DOCK3: variants seen among roughly 807,000 people sequenced by gnomAD.
DOCK3 encodes the protein dedicator of cytokinesis 3.
Under a neutral mutation model 265.6 loss-of-function variants are expected in DOCK3, and 60 were observed. That is an observed-to-expected ratio of 0.23 (90% CI 0.18 to 0.28). The LOEUF (loss-of-function observed/expected upper bound fraction) is 0.28, where lower values mean the gene tolerates loss of function less well. DOCK3 is among the 10% of genes least tolerant of loss of function. DOCK3 has a pLI of 1.00. For missense variants in DOCK3, 1,981 were observed against 2,594.3 expected (o/e 0.76, Z 5.14); for synonymous variants, 881 against 938.0 (o/e 0.94, Z 1.11).
At chr3:51,124,877 C>G (rs2084194749) in intron 9 of DOCK3, among the ~76,000 whole-genome samples, 1 of 151,134 alleles carries the variant, frequency 6.6e-6, no homozygotes, top group East Asian at 1.9e-4. Flanking sequence ...TGCCTGTAAT[C>G]CCAGCACTTT....
At chr3:51,003,600 G>C (rs1009991510) in intron 5 of DOCK3, among the ~76,000 whole-genome samples, 1 of 152,104 alleles carries the variant, frequency 6.6e-6, no homozygotes, top group Non-Finnish European at 1.5e-5. Flanking sequence ...TTCCATAGTG[G>C]AGAATTCGTA....
chr3:51,113,258 G>A (rs957211879), intron 9 of DOCK3, among the ~76,000 whole-genome samples: 1 of 152,040 alleles, frequency 6.6e-6, no homozygotes, highest in Non-Finnish European at 1.5e-5. Context: ...ATAGGGCATG[G>A]CACTTTTTAA....
intron 12 of DOCK3, among the ~76,000 whole-genome samples, chr3:51,196,415 C>G (rs2088298230): frequency 6.6e-6 from 1 of 152,122 alleles, no homozygotes; most frequent in Non-Finnish European, 1.5e-5. Flanking sequence ...CCAGGGATTG[C>G]TGAGTCTCTT....
rs563637951 is a variant in DOCK3, at chr3:50,854,085, C to T, written c.162+12370C>T. On this transcript the variant is annotated intron_variant, in intron 3 of 52. Transcript: ENST00000266037. ...AATAGTTACATTGAGCATTTTTTCA[C>T]GTATGTTGGCTGCTTCTGTGTCTTC... Among the ~76,000 whole-genome samples, 30 of 151,990 alleles carry T rather than the reference C, an allele frequency of 2.0e-4. 1 individual carries two copies. The South Asian group carries it at 6.0e-3, about 31-fold the overall frequency.
intron 3 of DOCK3, among the ~76,000 whole-genome samples, chr3:50,855,801 A>C (rs2046564258): frequency 6.6e-6 from 1 of 151,766 alleles, no homozygotes; most frequent in African/African-American, 2.4e-5. Context: ...TAAGCCCAGC[A>C]TCCACTAGCT....
At chr3:51,101,189 C>T (rs1263999905) in intron 9 of DOCK3, among the ~76,000 whole-genome samples, 1 of 145,386 alleles carries the variant, frequency 6.9e-6, no homozygotes, top group African/African-American at 2.6e-5. Flanking sequence ...GGCGCAATCT[C>T]GGCTCACTGC....
intron 12 of DOCK3, among the ~76,000 whole-genome samples, chr3:51,176,495 G>A (rs1202483626): frequency 2.0e-5 from 3 of 152,094 alleles, no homozygotes; most frequent in East Asian, 3.9e-4. Flanking sequence ...GCGTGGTGGC[G>A]GGTGCCTGTA....
chr3:50,828,103 A>G (rs895286387), intron 2 of DOCK3, among the ~76,000 whole-genome samples: 5 of 151,882 alleles, frequency 3.3e-5, no homozygotes, highest in African/African-American at 4.8e-5. Flanking sequence ...TAATTTTTGT[A>G]TTTTTAGCAG....
chr3:51,101,369 C>T (rs1024564542), intron 9 of DOCK3, among the ~76,000 whole-genome samples: 5 of 152,142 alleles, frequency 3.3e-5, no homozygotes, highest in Admixed American at 3.3e-4. Context: ...ATCCACCTGC[C>T]TCGGCCTCCC....
At chr3:50,864,742 A>T (rs1037383946) in intron 3 of DOCK3, among the ~76,000 whole-genome samples, 1 of 152,018 alleles carries the variant, frequency 6.6e-6, no homozygotes, top group Non-Finnish European at 1.5e-5. Context: ...GTTGAAAATG[A>T]ATTGGCTGTT....
chr3:50,864,599 C>A (rs1330219587), intron 3 of DOCK3, among the ~76,000 whole-genome samples: 1 of 151,586 alleles, frequency 6.6e-6, no homozygotes, highest in Non-Finnish European at 1.5e-5. Flanking sequence ...AGTTTTTAAT[C>A]CATTTTGAGT....
At chr3:51,215,528 A>T (rs1318635170) in intron 14 of DOCK3, among the ~76,000 whole-genome samples, 3 of 152,198 alleles carry the variant, frequency 2.0e-5, no homozygotes, top group South Asian at 2.1e-4. Flanking sequence ...ATCACTTTAA[A>T]TATCACTTAT....
intron 2 of DOCK3, among the ~76,000 whole-genome samples, chr3:50,802,912 A>G (rs1323735296): frequency 6.6e-6 from 1 of 151,926 alleles, no homozygotes; most frequent in Non-Finnish European, 1.5e-5. Flanking sequence ...GAACATCTGT[A>G]ATACTTTATT....
intron 14 of DOCK3, among the ~76,000 whole-genome samples, chr3:51,216,447 A>T (rs1405698328): frequency 6.6e-6 from 1 of 152,166 alleles, no homozygotes; most frequent in Non-Finnish European, 1.5e-5. Context: ...TTTCCCCACA[A>T]GGCAGAGATA....
intron 1 of DOCK3, among the ~76,000 whole-genome samples, chr3:50,725,796 G>C (rs1052380402): frequency 2.0e-5 from 3 of 152,134 alleles, no homozygotes; most frequent in African/African-American, 7.2e-5. Flanking sequence ...TGGTTTAGGG[G>C]CTTGCTTTTG....
intron 1 of DOCK3, among the ~76,000 whole-genome samples, chr3:50,687,239 T>G (rs886234354): frequency 6.6e-6 from 1 of 151,362 alleles, no homozygotes; most frequent in African/African-American, 2.4e-5. Context: ...GAAAAAAAAA[T>G]CTCTGCTAAA....
intron 1 of DOCK3, among the ~76,000 whole-genome samples, chr3:50,732,641 C>T (rs2038296657): frequency 1.3e-5 from 2 of 152,140 alleles, no homozygotes; most frequent in African/African-American, 4.8e-5. Flanking sequence ...AAACCCTTGG[C>T]CTCAAGCCAT....
intron 21 of DOCK3, among the ~76,000 whole-genome samples, chr3:51,239,995 T>C (rs1196502506): frequency 1.3e-5 from 2 of 152,168 alleles, no homozygotes; most frequent in Non-Finnish European, 2.9e-5. Context: ...AGTTTAGGAA[T>C]TGGTTTGCTC....
At chr3:50,695,718 G>T (rs2035573830) in intron 1 of DOCK3, among the ~76,000 whole-genome samples, 1 of 152,232 alleles carries the variant, frequency 6.6e-6, no homozygotes, top group Admixed American at 6.5e-5. Flanking sequence ...AATGGGCCTG[G>T]TGGGTATCTC....
Sources: allele counts gnomAD v4.1 joint callset (sites outside exome capture counted in the v4.1 genomes callset), GRCh38; gene constraint gnomAD v4.1.1; transcripts MANE v1.5; gene names NCBI Gene and HGNC (gene_info 2026-07-23, HGNC 2026-07-21).